Variants in FGD4 observed in about 807,000 individuals in gnomAD.
FGD4 encodes the protein FYVE, RhoGEF and PH domain-containing protein 4.
In FGD4, 42 loss-of-function variants were observed where a neutral mutation model predicts 102.0. The ratio of observed to expected loss-of-function variants is 0.41; its 90% CI spans 0.32 to 0.53. The LOEUF (loss-of-function observed/expected upper bound fraction) is 0.53. Ranked by LOEUF, FGD4 falls within the 20% of genes least tolerant of loss-of-function variation. The pLI, the probability that FGD4 is intolerant of heterozygous loss-of-function variation, is 0.21. For synonymous variants in FGD4, 380 were observed against 375.7 expected (o/e 1.01, Z -0.13); for missense variants, 902 against 1,078.2 (o/e 0.84, Z 2.29).
intron 1 of FGD4, among the ~76,000 whole-genome samples, chr12:32,532,757 G>T (rs1347524754): frequency 6.6e-6 from 1 of 152,166 alleles, no homozygotes; most frequent in Non-Finnish European, 1.5e-5. Context: ...CAGATTCTCT[G>T]CCACAGTGAA....
chr12:32,578,149 T>A (rs1469847671), intron 3 of FGD4, among the ~76,000 whole-genome samples: 1 of 152,218 alleles, frequency 6.6e-6, no homozygotes, highest in Non-Finnish European at 1.5e-5. Context: ...GATTTTTTTT[T>A]AAGCAAGTTT....
chr12:32,419,578 G>A (rs1272098266), intron 1 of FGD4, among the ~76,000 whole-genome samples: 6 of 151,976 alleles, frequency 3.9e-5, no homozygotes, highest in Non-Finnish European at 8.8e-5. Context: ...TGGTGTCTTA[G>A]TAGGTTGTGT....
chr12:32,635,261 GAGCCTCA>G (rs2137040188), intron 15 of FGD4, among the ~76,000 whole-genome samples: 1 of 152,316 alleles, frequency 6.6e-6, no homozygotes, highest in Admixed American at 6.5e-5. Flanking sequence ...ATCAGGAACA[GAGCCTCA>G]AGACTTAATA....
intron 11 of FGD4, among the ~76,000 whole-genome samples, chr12:32,621,865 T>C (rs1949860305): frequency 1.3e-5 from 2 of 150,974 alleles, no homozygotes; most frequent in Non-Finnish European, 2.9e-5. Context: ...TTTACTGAGC[T>C]ACTGGCCCTG....
At chr12:32,534,584 A>T (rs1942082122) in intron 1 of FGD4, 1 of 799,422 alleles carries the variant, frequency 1.3e-6, no homozygotes, top group African/African-American at 1.8e-5. Flanking sequence ...GGGATGTAAA[A>T]GTGGCAGAGT....
chr12:32,541,390 CAG>C (rs1942816122), intron 1 of FGD4, among the ~76,000 whole-genome samples: 1 of 152,092 alleles, frequency 6.6e-6, no homozygotes, highest in South Asian at 2.1e-4. Flanking sequence ...TTTTTTGAGA[CAG>C]AGTCTCACTC....
At chr12:32,458,819 A>G (rs910363558) in intron 1 of FGD4, among the ~76,000 whole-genome samples, 10 of 152,340 alleles carry the variant, frequency 6.6e-5, no homozygotes, top group African/African-American at 1.9e-4. Context: ...CACGGGTACA[A>G]CTGAATTTGG....
intron 1 of FGD4, among the ~76,000 whole-genome samples, chr12:32,563,247 G>T (rs910535760): frequency 6.6e-6 from 1 of 150,874 alleles, no homozygotes; most frequent in Non-Finnish European, 1.5e-5. Flanking sequence ...TCTCAGACGG[G>T]GCGGTTGCCA....
At position 32,625,784 on chromosome 12, in the gene FGD4, G is replaced by A. The variant is rs1592456079; in HGVS notation, c.2172+5G>A. 6.2e-7 allele frequency: 1 copy of A among 1,613,880 alleles called. No individual in the cohort carries two copies. Among genetic ancestry groups the A allele is most frequent in the Non-Finnish European group, 8.5e-7 (1 of 1,179,874 alleles). On this transcript the variant is annotated splice_donor_5th_base_variant and intron_variant, in intron 14 of 16. Transcript: ENST00000534526. ...CATTGTCGAGCATGTGGATATGTAA[G>A]TGAGATTTCTTGATCATTAAGGTTG...
intron 4 of FGD4, among the ~76,000 whole-genome samples, chr12:32,594,004 A>G (rs1592334608): frequency 6.6e-6 from 1 of 152,240 alleles, no homozygotes; most frequent in Admixed American, 6.5e-5. Flanking sequence ...ATCTGGTGGT[A>G]GGAGCATAGA....
At chr12:32,458,135 G>T (rs1320278443) in intron 1 of FGD4, among the ~76,000 whole-genome samples, 1 of 151,254 alleles carries the variant, frequency 6.6e-6, no homozygotes, top group Middle Eastern at 3.2e-3. Context: ...TTGTAGCCTT[G>T]TATGCTGGTA....
intron 1 of FGD4, among the ~76,000 whole-genome samples, chr12:32,542,308 A>G (rs1385603390): frequency 6.6e-6 from 1 of 152,246 alleles, no homozygotes; most frequent in African/African-American, 2.4e-5. Context: ...TAGAGAAATC[A>G]AGTTTAGAAA....
In FGD4 at chr12:32,449,643, A is replaced by G. The variant is rs144705360; in HGVS notation, c.166+49684A>G. On this transcript the variant is annotated intron_variant, in intron 1 of 16. Transcript: ENST00000534526. ...ATGCTGTTACTTTGATCACTTGATT[A>G]AGGTGGTGTCTGCCTGGCTTCTCCA... Among the ~76,000 whole-genome samples, 3 of 152,310 alleles carry G rather than the reference A, an allele frequency of 2.0e-5. No individual in the cohort carries two copies. In the East Asian group the frequency reaches 5.8e-4, roughly 29 times the overall value.
rs1345717076 is a variant in FGD4, at chr12:32,500,399, TTTATTTTA to T, written c.167-63735_167-63728del. On this transcript the variant is annotated intron_variant, in intron 1 of 16. Coordinates refer to ENST00000534526, the MANE Select transcript of FGD4 (RefSeq NM_001370298.3). Reference sequence around the variant, plus strand: ...TGACCTTATTTTATTTTATTTTTATTTTATTTTATTTTATTTTATTTTATTTTATTTTA... The same window carrying T: ...TGACCTTATTTTATTTTATTTTTATTTTTTATTTTATTTTATTTTATTTTA... Among the ~76,000 whole-genome samples the T allele has an allele frequency of 2.2e-3, 99 of 44,914 alleles. 1 individual carries two copies. Among genetic ancestry groups the T allele is most frequent in the African/African-American group, 0.011 (92 of 8,662 alleles). The allele number at this position is 44,914 out of a possible 152,430, so 29.5% of individuals were successfully genotyped here.
intron 1 of FGD4, among the ~76,000 whole-genome samples, chr12:32,558,185 G>A (rs1279920397): frequency 6.6e-6 from 1 of 152,210 alleles, no homozygotes; most frequent in Admixed American, 6.5e-5. Flanking sequence ...CAAAAGTCAT[G>A]CAAGACAAAT....
At chr12:32,598,049 C>G (rs555918887) in intron 4 of FGD4, among the ~76,000 whole-genome samples, 18 of 152,260 alleles carry the variant, frequency 1.2e-4, no homozygotes, top group African/African-American at 4.3e-4. Context: ...CCTCCTCTAC[C>G]TCCCAATATG....
chr12:32,408,039 G>A (rs940327128), intron 1 of FGD4, among the ~76,000 whole-genome samples: 7 of 150,482 alleles, frequency 4.7e-5, no homozygotes, highest in African/African-American at 7.4e-5. Context: ...TTGCTTTGTC[G>A]CCCAGGCTGG....
Position 32,640,469 on chromosome 12 carries a change from G to A in FGD4, c.2648G>A (p.Gly883Asp). ...GCTGTCACAGGTGAGACACCAGGTGGTCCAAATGAGCATCCAGCCACCTTG... is the reference window on the plus strand; with the variant it reads ...GCTGTCACAGGTGAGACACCAGGTGATCCAAATGAGCATCCAGCCACCTTG... ...LLAVTGETPGGPNEHPATLDD... is the reference protein window; with the variant it reads ...LLAVTGETPGDPNEHPATLDD... Residue 883 changes from glycine to aspartate, a missense_variant, in exon 17 of 17, where the codon GGT becomes GAT. Physicochemically the swap from Gly to Asp is moderately conservative, Grantham distance 94. Around this residue, in one of 2 missense-constraint regions of FGD4, gnomAD observed 459 missense variants for 619.0 expected, o/e 0.74. Transcript: ENST00000534526. The A allele has an allele frequency of 6.2e-7, 1 of 1,614,078 alleles. No individual in the cohort carries two copies. Among genetic ancestry groups the A allele is most frequent in the South Asian group, 1.1e-5 (1 of 91,076 alleles).
At chr12:32,577,251 A>G (rs1946203399) in intron 3 of FGD4, among the ~76,000 whole-genome samples, 1 of 152,032 alleles carries the variant, frequency 6.6e-6, no homozygotes, top group Non-Finnish European at 1.5e-5. Context: ...TTATCAGTAG[A>G]ATTTTGTTAC....
Sources: allele counts gnomAD v4.1 joint callset (sites outside exome capture counted in the v4.1 genomes callset), GRCh38; gene constraint gnomAD v4.1.1; regional missense constraint gnomAD v4.1.1; transcripts MANE v1.5; gene names NCBI Gene and HGNC (gene_info 2026-07-23, HGNC 2026-07-21).